Variants in PTPRA observed in about 807,000 individuals in gnomAD.
The protein encoded by PTPRA is receptor-type tyrosine-protein phosphatase alpha.
PTPRA carries 25 observed loss-of-function variants against 104.8 expected under a neutral mutation model. The observed-to-expected ratio is 0.24, with a 90% confidence interval of 0.17 to 0.33. The LOEUF (loss-of-function observed/expected upper bound fraction) is 0.33. Ranked by LOEUF, PTPRA falls within the 10% of genes least tolerant of loss-of-function variation. The pLI, the probability that PTPRA is intolerant of heterozygous loss-of-function variation, is 1.00. For synonymous variants in PTPRA, 323 were observed against 368.9 expected (o/e 0.88, Z 1.43); for missense variants, 765 against 1,015.3 (o/e 0.75, Z 3.35).
intron 5 of PTPRA, among the ~76,000 whole-genome samples, chr20:2,966,317 G>A (rs1321030893): frequency 6.6e-6 from 1 of 152,108 alleles, no homozygotes; most frequent in East Asian, 1.9e-4. Flanking sequence ...CTCTACCTCG[G>A]TTTGTTCATC....
intron 1 of PTPRA, among the ~76,000 whole-genome samples, chr20:2,896,626 T>C (rs977572958): frequency 6.6e-6 from 1 of 152,178 alleles, no homozygotes; most frequent in Non-Finnish European, 1.5e-5. Flanking sequence ...TCAGGGTGTG[T>C]TTCCTGAAAA....
intron 13 of PTPRA, among the ~76,000 whole-genome samples, chr20:3,019,892 C>T (rs893486948): frequency 1.3e-5 from 2 of 152,080 alleles, no homozygotes; most frequent in Non-Finnish European, 2.9e-5. Context: ...GCCAACACAG[C>T]GAAACCCCGT....
intron 1 of PTPRA, among the ~76,000 whole-genome samples, chr20:2,912,668 T>C (rs1161008391): frequency 6.6e-6 from 1 of 152,180 alleles, no homozygotes; most frequent in African/African-American, 2.4e-5. Context: ...ATGAAAAAGC[T>C]CTTTAATTTT....
chr20:2,945,253 A>G (rs1022177204), intron 2 of PTPRA, among the ~76,000 whole-genome samples: 2 of 152,078 alleles, frequency 1.3e-5, no homozygotes, highest in African/African-American at 4.8e-5. Context: ...TCTGTTTCTT[A>G]CTGATTCTCA....
chr20:3,037,925 G>A lies in PTPRA; in HGVS notation c.2335-134G>A, dbSNP rs920170986. The A allele has an allele frequency of 9.5e-6, 7 of 734,440 alleles. No homozygotes were observed. Among genetic ancestry groups the A allele is most frequent in the Non-Finnish European group, 1.6e-5 (7 of 429,916 alleles). The allele number at this position is 734,440 out of a possible 1,614,324, so 45.5% of individuals were successfully genotyped here. The stretch of plus-strand genomic sequence containing the variant: ...TCAGAACTCTGGCAGGCAGATCAGA[G>A]CTCAGGTGAAAGTTCAAAAACATTC... On this transcript the variant is annotated intron_variant, in intron 23 of 23. Coordinates refer to ENST00000399903, the MANE Select transcript of PTPRA (RefSeq NM_001385305.1). The surrounding 1 kb of genome is among the most constrained non-coding windows in gnomAD (Gnocchi z 4.3).
intron 7 of PTPRA, 125 bp downstream of exon 7, chr20:2,986,974 A>G: frequency 2.4e-6 from 2 of 838,964 alleles, no homozygotes; most frequent in South Asian, 1.5e-5. Context: ...GGAATGACCC[A>G]TGATAGTGCT....
chr20:2,937,096 G>C (rs2060731457), intron 2 of PTPRA, among the ~76,000 whole-genome samples: 1 of 150,204 alleles, frequency 6.7e-6, no homozygotes, highest in Admixed American at 6.7e-5. Flanking sequence ...TTAGTAGAAG[G>C]AATCTTTTAG....
At position 3,037,582 on chromosome 20, in the gene PTPRA, G is replaced by A. The variant is rs2065863593; in HGVS notation, c.2334+293G>A. 6.6e-6 allele frequency among the ~76,000 whole-genome samples: 1 copy of A among 152,234 alleles called. No homozygotes were observed. The highest frequency in any genetic ancestry group is 1.5e-5 in the Non-Finnish European group (1 of 68,040). The stretch of plus-strand genomic sequence containing the variant: ...CTTGGGTAAGGAAGATCCATGAAGA[G>A]TACCTGCCTTTGGGCTTGGGCTCCC... On this transcript the variant is annotated intron_variant, in intron 23 of 23. Transcript: ENST00000399903. This position sits in a 1 kb window ranked among gnomAD's most constrained non-coding sequence, Gnocchi z 4.3.
intron 6 of PTPRA, among the ~76,000 whole-genome samples, chr20:2,982,048 C>T (rs897142878): frequency 1.3e-5 from 2 of 151,686 alleles, no homozygotes; most frequent in African/African-American, 4.8e-5. Context: ...TGGATTTAGC[C>T]CAGTGTCTTA....
chr20:2,929,256 G>GT (rs899944974), intron 2 of PTPRA, among the ~76,000 whole-genome samples: 1 of 151,964 alleles, frequency 6.6e-6, no homozygotes, highest in Non-Finnish European at 1.5e-5. Flanking sequence ...CTGGCCTGCT[G>GT]TTTTTTCTTT....
chr20:2,899,470 A>G (rs2059145671), intron 1 of PTPRA, among the ~76,000 whole-genome samples: 1 of 152,074 alleles, frequency 6.6e-6, no homozygotes, highest in South Asian at 2.1e-4. Flanking sequence ...TTAAAGTGCT[A>G]GAAAGTTGTT....
At position 3,022,967 on chromosome 20, in the gene PTPRA, T is replaced by C. The variant is rs1160296311; in HGVS notation, c.1464+143T>C. 1 of 1,345,274 alleles carries C rather than the reference T, an allele frequency of 7.4e-7. No homozygotes were observed. Among genetic ancestry groups the C allele is most frequent in the Non-Finnish European group, 1.0e-6 (1 of 996,464 alleles). The allele number at this position is 1,345,274 out of a possible 1,614,324, so 83.3% of individuals were successfully genotyped here. On this transcript the variant is annotated intron_variant, in intron 16 of 23. Transcript: ENST00000399903. The surrounding 1 kb of genome is among the most constrained non-coding windows in gnomAD (Gnocchi z 4.6). ...TGGGGGAAAGAAAGATAGATCACAC[T>C]GTTACCGTGTCTATGTAGAAAAAGG...
At chr20:3,007,288 G>C in intron 10 of PTPRA, 56 bp from the exon 11 acceptor site, 1 of 1,542,254 alleles carries the variant, frequency 6.5e-7, no homozygotes, top group Non-Finnish European at 9.0e-7. Context: ...GGTTGCGTCA[G>C]GTTCTGTGAG....
chr20:2,902,137 G>A (rs1442868639), intron 1 of PTPRA, among the ~76,000 whole-genome samples: 2 of 151,946 alleles, frequency 1.3e-5, no homozygotes, highest in African/African-American at 2.4e-5. Context: ...CACTTCCCTC[G>A]GCCTCCCAAA....
chr20:2,958,713 G>A (rs2061631761), intron 3 of PTPRA, among the ~76,000 whole-genome samples: 1 of 150,500 alleles, frequency 6.6e-6, no homozygotes, highest in South Asian at 2.1e-4. Context: ...CAGGCATGGT[G>A]GCACGCGCCT....
intron 1 of PTPRA, among the ~76,000 whole-genome samples, chr20:2,895,915 G>A (rs1020630915): frequency 2.6e-5 from 4 of 152,008 alleles, no homozygotes; most frequent in East Asian, 3.9e-4. Flanking sequence ...TCAAATTACC[G>A]ATATTTTGGT....
At chr20:2,868,572 CAA>C (rs1472428052), upstream of PTPRA, among the ~76,000 whole-genome samples, 2 of 130,370 alleles carry the variant, frequency 1.5e-5, no homozygotes, top group Non-Finnish European at 3.1e-5. Context: ...AATCAGCAGA[CAA>C]GAGGAAAGGA....
intron 5 of PTPRA, among the ~76,000 whole-genome samples, chr20:2,968,168 G>A (rs2062014122): frequency 6.6e-6 from 1 of 152,124 alleles, no homozygotes; most frequent in Non-Finnish European, 1.5e-5. Flanking sequence ...GTCCATGGGA[G>A]GCAAATTGCA....
At chr20:3,024,803 T>C (rs1002004815) in intron 17 of PTPRA, among the ~76,000 whole-genome samples, 182 bp downstream of exon 17, 8 of 152,140 alleles carry the variant, frequency 5.3e-5, no homozygotes, top group African/African-American at 1.7e-4. Context: ...TGGAATCACT[T>C]TGGTTGTGTT....
Sources: allele counts gnomAD v4.1 joint callset (sites outside exome capture counted in the v4.1 genomes callset), GRCh38; gene constraint gnomAD v4.1.1; non-coding constraint Gnocchi (gnomAD v3.1); transcripts MANE v1.5; gene names NCBI Gene and HGNC (gene_info 2026-07-23, HGNC 2026-07-21).